The following NEB variants were observed in gnomAD, a reference collection of about 807,000 sequenced individuals.
The protein encoded by NEB is nemaline myopathy type 2.
NEB carries 512 observed loss-of-function variants against 952.2 expected under a neutral mutation model. That is an observed-to-expected ratio of 0.54 (90% confidence interval 0.50 to 0.58). NEB has a LOEUF of 0.58. Among genes scored for constraint, NEB ranks in the 20% least tolerant of loss-of-function variants. The pLI is 0.00. For synonymous variants in NEB, 2,900 were observed against 3,149.8 expected, an observed-to-expected ratio of 0.92 and a Z score of 2.66; for missense variants, 8,428 against 9,231.1, an observed-to-expected ratio of 0.91 and a Z score of 3.56.
intron 172 of NEB, 84 bp downstream of exon 172, chr2:151,496,857 A>AAAT (rs2060547010): frequency 1.4e-6 from 2 of 1,396,054 alleles, no homozygotes; most frequent in Admixed American, 2.4e-5. Flanking sequence ...TGTCTTTAGA[A>AAAT]AATAGGATTA....
Position 151,678,088 on chromosome 2 carries a change from T to A in NEB, c.3355A>T (p.Lys1119Ter). ...PKLVHYMNVA[K>*]IQSDREYKKD... The stretch of plus-strand genomic sequence containing the variant: ...TTATACTCCCGATCTGATTGTATCT[T>A]GGCCACGTTCATATAATGAACCAGT... Residue 1119 changes from lysine to a stop codon, truncating the protein, a stop_gained, in exon 33 of 182, where the codon AAG becomes TAG. Transcript: ENST00000397345. LOFTEE classifies it high-confidence loss of function. 1 of 1,613,950 alleles carries A rather than the reference T, an allele frequency of 6.2e-7. No individual in the cohort carries two copies.
intron 24 of NEB, chr2:151,689,994 T>G (rs912608362): frequency 6.6e-6 from 1 of 152,284 alleles, no homozygotes; most frequent in Non-Finnish European, 1.5e-5. Context: ...CTCTAGGACT[T>G]AGCTATGTTA....
At chr2:151,559,459 A>G (rs1174349804) in intron 124 of NEB, among the ~76,000 whole-genome samples, 1 of 152,240 alleles carries the variant, frequency 6.6e-6, no homozygotes, top group African/African-American at 2.4e-5. Flanking sequence ...CCAATGGATT[A>G]TAAATCATTC....
At position 151,677,779 on chromosome 2, in the gene NEB, A is replaced by ATAC. The variant is rs1382144084; in HGVS notation, c.3568-9_3568-8insGTA. ...GTCTTCCTTGTAGACGTTCTACAGC[A>ATAC]ATGGAGAAAAGAGGAGTGAGGGCCT... On this transcript the variant is annotated splice_polypyrimidine_tract_variant and intron_variant, in intron 33 of 181. Transcript: ENST00000397345. 1 of 1,613,876 alleles carries ATAC rather than the reference A, an allele frequency of 6.2e-7. No homozygotes were observed. The highest frequency in any genetic ancestry group is 1.1e-5 in the South Asian group (1 of 91,062).
At chr2:151,629,434 C>T (rs1040431641) in intron 68 of NEB, 105 bp downstream of exon 68, 2 of 946,606 alleles carry the variant, frequency 2.1e-6, no homozygotes, top group African/African-American at 3.3e-5. Context: ...TTTAGAAAAA[C>T]AAGCCAATAA....
chr2:151,707,136 C>A, intron 12 of NEB, 139 bp from the exon 13 acceptor site: 1 of 604,584 alleles, frequency 1.7e-6, no homozygotes, highest in Non-Finnish European at 2.9e-6. Flanking sequence ...ACAAAATACT[C>A]ATAGTAACTC....
chr2:151,728,255 T>A (rs1411264096), intron 4 of NEB, among the ~76,000 whole-genome samples: 1 of 152,154 alleles, frequency 6.6e-6, no homozygotes, highest in African/African-American at 2.4e-5. Context: ...AAATCTTAAG[T>A]TGCCTGGGTA....
intron 13 of NEB, among the ~76,000 whole-genome samples, chr2:151,699,616 A>G (rs2099629830): frequency 1.3e-5 from 1 of 75,652 alleles, no homozygotes. Flanking sequence ...ATGGCCAGTG[A>G]TGATGAGCAT....
chr2:151,546,283 C>A, intron 134 of NEB, 62 bp downstream of exon 134: 1 of 1,320,330 alleles, frequency 7.6e-7, no homozygotes, highest in Non-Finnish European at 1.1e-6. Flanking sequence ...GCCCTGGAGG[C>A]TGGTGATGGG....
At chr2:151,565,475 C>T (rs1188791014) in intron 116 of NEB, 26 bp downstream of exon 116, 4 of 1,408,730 alleles carry the variant, frequency 2.8e-6, no homozygotes, top group Non-Finnish European at 4.0e-6. Flanking sequence ...AGTCTGTGCA[C>T]TTCAGCATGC....
intron 9 of NEB, among the ~76,000 whole-genome samples, chr2:151,721,436 T>G (rs534811786): frequency 6.6e-6 from 1 of 152,268 alleles, no homozygotes; most frequent in East Asian, 1.9e-4. Flanking sequence ...TCATTTTACC[T>G]GTGTCCCCTT....
chr2:151,679,688 T>C (rs1401229886), intron 32 of NEB, 33 bp downstream of exon 32: 3 of 891,630 alleles, frequency 3.4e-6, no homozygotes, highest in Admixed American at 2.0e-5. Context: ...CCACATTTTC[T>C]AGTTGCCCAT....
At chr2:151,685,509 G>T (rs957771467) in intron 27 of NEB, among the ~76,000 whole-genome samples, 1 of 152,078 alleles carries the variant, frequency 6.6e-6, no homozygotes, top group African/African-American at 2.4e-5. Context: ...AATCTCAAAG[G>T]TTGTTTTCAT....
rs773220407 is a variant in NEB, at chr2:151,707,006, G to A, written c.1036-9C>T. On this transcript the variant is annotated splice_polypyrimidine_tract_variant and intron_variant, in intron 12 of 181. Coordinates refer to ENST00000397345, the MANE Select transcript of NEB (RefSeq NM_001164508.2). ...TCTTCTTTGTATTTTACCTGTAGGA[G>A]TGAAATAAAATGATAAAGTAACTCT... 6.5e-7 allele frequency: 1 copy of A among 1,528,232 alleles called. No individual in the cohort carries two copies. 94.7% of individuals were successfully genotyped at this position (1,528,232 alleles called of 1,614,324 possible). A position where few individuals can be genotyped will look rare whatever the true frequency, so the allele number is the denominator to read the frequency against.
rs564752449 is a variant in NEB, at chr2:151,570,264, C to G, written c.17247G>C (p.Leu5749=). The G allele has an allele frequency of 4.3e-6, 7 of 1,613,764 alleles. No homozygotes were observed. In the South Asian group the frequency reaches 7.7e-5, roughly 18 times the overall value. ...DKLQNEREYR[L]DWAKWKAKIQ... ...TCTTGGCCTTCCATTTGGCCCAGTC[C>G]AGCCGGTACTCTCGTTCATTCTGGA... The change falls in exon 109 of 182, where the codon CTG becomes CTC. Residue 5749 remains leucine, a synonymous_variant. Coordinates refer to ENST00000397345, the MANE Select transcript of NEB (RefSeq NM_001164508.2).
At chr2:151,733,055 C>T in intron 3 of NEB, 66 bp downstream of exon 3, 3 of 1,420,614 alleles carry the variant, frequency 2.1e-6, no homozygotes, top group Non-Finnish European at 2.9e-6. Context: ...GATTAATTCA[C>T]CTACACAGCT....
At chr2:151,527,446 T>C in intron 147 of NEB, 35 bp downstream of exon 147, 1 of 1,405,428 alleles carries the variant, frequency 7.1e-7, no homozygotes, top group Non-Finnish European at 1.0e-6. Context: ...AGGTGCAGTA[T>C]GCAGTTACAA....
chr2:151,684,737 A>G (rs773913430), intron 28 of NEB, 41 bp downstream of exon 28: 16 of 1,477,282 alleles, frequency 1.1e-5, no homozygotes, highest in South Asian at 9.8e-5. Flanking sequence ...TTCAGTTTCC[A>G]TCTTTTTAAA....
At chr2:151,656,529 A>G (rs2099087120) in intron 48 of NEB, 65 bp from the exon 49 acceptor site, 3 of 925,350 alleles carry the variant, frequency 3.2e-6, no homozygotes, top group Non-Finnish European at 4.5e-6. Context: ...TCTAGTGTCA[A>G]TATGCTATAT....
Sources: gnomAD v4.1 joint callset for allele counts (sites outside exome capture counted in the v4.1 genomes callset) on GRCh38, gnomAD v4.1.1 for gene constraint, MANE v1.5 for transcripts, NCBI Gene and HGNC (gene_info 2026-07-23, HGNC 2026-07-21) for gene names.